The following DNAH9 variants were observed in gnomAD, a reference collection of about 807,000 sequenced individuals.
The protein encoded by DNAH9 is dynein axonemal heavy chain 9, also known as DNAH9 variant protein.
A neutral mutation model predicts 471.6 loss-of-function variants in DNAH9; 345 were observed. The ratio of observed to expected loss-of-function variants is 0.73; its 90% CI spans 0.67 to 0.80. The LOEUF is 0.80. DNAH9 is among the 30% of genes least tolerant of loss of function. DNAH9 has a pLI of 0.00. For synonymous variants in DNAH9, 2,093 were observed against 2,123.6 expected, an observed-to-expected ratio of 0.99 and a Z score of 0.40; for missense variants, 5,407 against 5,609.2, an observed-to-expected ratio of 0.96 and a Z score of 1.15.
intron 66 of DNAH9, among the ~76,000 whole-genome samples, chr17:11,938,202 G>C (rs1555527339): frequency 6.6e-6 from 1 of 152,074 alleles, no homozygotes; most frequent in Non-Finnish European, 1.5e-5. Flanking sequence ...CCTCACACCT[G>C]TAATCCCAGC....
intron 50 of DNAH9, among the ~76,000 whole-genome samples, chr17:11,867,103 TC>T (rs1872423904): frequency 6.6e-6 from 1 of 152,330 alleles, no homozygotes; most frequent in African/African-American, 2.4e-5. Flanking sequence ...AAATCACCCG[TC>T]TTCTGCGTCG....
intron 43 of DNAH9, among the ~76,000 whole-genome samples, chr17:11,801,918 C>T (rs924453968): frequency 9.2e-5 from 14 of 151,998 alleles, no homozygotes; most frequent in Admixed American, 2.6e-4. Context: ...GTACTGGCTA[C>T]AAACACTGGC....
At chr17:11,616,964 C>T (rs974882458) in intron 4 of DNAH9, among the ~76,000 whole-genome samples, 15 of 152,188 alleles carry the variant, frequency 9.9e-5, no homozygotes, top group African/African-American at 3.6e-4. Context: ...TACCTTCAGC[C>T]TTCACAAGGA....
intron 59 of DNAH9, among the ~76,000 whole-genome samples, chr17:11,895,112 A>G (rs929342408): frequency 6.6e-6 from 1 of 152,254 alleles, no homozygotes; most frequent in African/African-American, 2.4e-5. Flanking sequence ...GTCTGATGGC[A>G]GAGCCTATTT....
At chr17:11,614,790 C>T (rs375605382) in intron 4 of DNAH9, among the ~76,000 whole-genome samples, 10 of 152,162 alleles carry the variant, frequency 6.6e-5, no homozygotes, top group African/African-American at 1.7e-4. Context: ...GGCAAGCCAG[C>T]CAAACTCTAT....
intron 17 of DNAH9, among the ~76,000 whole-genome samples, chr17:11,678,348 C>G (rs2074081537): frequency 6.6e-6 from 1 of 152,176 alleles, no homozygotes; most frequent in Admixed American, 6.5e-5. Context: ...ACCATTATTG[C>G]TCTATAGTCC....
At chr17:11,682,883 T>A (rs1253682201) in intron 19 of DNAH9, among the ~76,000 whole-genome samples, 1 of 152,208 alleles carries the variant, frequency 6.6e-6, no homozygotes, top group Non-Finnish European at 1.5e-5. Flanking sequence ...CCCTTTAGAA[T>A]AATTGCCTTA....
intron 66 of DNAH9, among the ~76,000 whole-genome samples, chr17:11,939,123 G>A (rs2151043329): frequency 6.6e-6 from 1 of 152,282 alleles, no homozygotes; most frequent in African/African-American, 2.4e-5. Flanking sequence ...TGACTCCGAG[G>A]TCTGGGGTTA....
At chr17:11,712,182 T>C (rs1346662268) in intron 26 of DNAH9, among the ~76,000 whole-genome samples, 1 of 141,610 alleles carries the variant, frequency 7.1e-6, no homozygotes. Flanking sequence ...ATATTAAATT[T>C]ATAATATAAA....
intron 8 of DNAH9, among the ~76,000 whole-genome samples, chr17:11,633,881 C>T (rs1288987712): frequency 1.3e-5 from 2 of 152,224 alleles, no homozygotes; most frequent in Non-Finnish European, 2.9e-5. Context: ...GAAATCACGA[C>T]ATCTGCTACA....
intron 49 of DNAH9, among the ~76,000 whole-genome samples, chr17:11,843,612 A>C (rs1419813600): frequency 6.6e-6 from 1 of 151,564 alleles, no homozygotes; most frequent in Non-Finnish European, 1.5e-5. Context: ...AGTTCTTATC[A>C]TTTAACCAAT....
At chr17:11,941,200 A>G (rs1974894164) in intron 66 of DNAH9, among the ~76,000 whole-genome samples, 1 of 152,150 alleles carries the variant, frequency 6.6e-6, no homozygotes. Flanking sequence ...ATAGTTTCAC[A>G]AAGGAGATAG....
chr17:11,648,541 G>A (rs907243334), intron 12 of DNAH9, among the ~76,000 whole-genome samples: 1 of 152,080 alleles, frequency 6.6e-6, no homozygotes, highest in Non-Finnish European at 1.5e-5. Context: ...TAAGTCCTTG[G>A]TATATAACCA....
chr17:11,845,455 G>C (rs1000264207), intron 49 of DNAH9, among the ~76,000 whole-genome samples: 3 of 150,708 alleles, frequency 2.0e-5, no homozygotes, highest in Non-Finnish European at 4.4e-5. Context: ...GAATAATGCC[G>C]CAATAAACAT....
chr17:11,755,649 AC>A (rs1240921892), intron 33 of DNAH9, among the ~76,000 whole-genome samples: 1 of 60,100 alleles, frequency 1.7e-5, no homozygotes, highest in Non-Finnish European at 3.2e-5. Context: ...ATCAACTTAA[AC>A]TGTTTAAATA....
chr17:11,943,656 G>A (rs986657974), intron 67 of DNAH9, among the ~76,000 whole-genome samples: 4 of 152,102 alleles, frequency 2.6e-5, no homozygotes, highest in African/African-American at 7.2e-5. Flanking sequence ...CAGCCTGGGT[G>A]ACAGAGCAAG....
chr17:11,953,106 C>T (rs139035298), intron 67 of DNAH9, among the ~76,000 whole-genome samples: 1 of 152,286 alleles, frequency 6.6e-6, no homozygotes, highest in African/African-American at 2.4e-5. Context: ...TTAATTACCT[C>T]CTTAAAGACT....
chr17:11,709,080 G>A (rs970547173), intron 26 of DNAH9, among the ~76,000 whole-genome samples: 5 of 152,106 alleles, frequency 3.3e-5, no homozygotes, highest in Non-Finnish European at 7.4e-5. Flanking sequence ...CTTCGCAGTC[G>A]CCCAGGAATT....
At chr17:11,637,162 A>G (rs1387612911) in intron 9 of DNAH9, among the ~76,000 whole-genome samples, 2 of 152,200 alleles carry the variant, frequency 1.3e-5, no homozygotes, top group South Asian at 2.1e-4. Flanking sequence ...ATGCCTTCCA[A>G]TGCCATAGCA....
Sources: allele counts gnomAD v4.1 joint callset (sites outside exome capture counted in the v4.1 genomes callset), GRCh38; gene constraint gnomAD v4.1.1; transcripts MANE v1.5; gene names NCBI Gene and HGNC (gene_info 2026-07-23, HGNC 2026-07-21).